PARD3B: variants seen among roughly 807,000 people sequenced by gnomAD.
PARD3B encodes the protein partitioning defective 3 homolog B.
A neutral mutation model predicts 130.2 loss-of-function variants in PARD3B; 103 were observed. The ratio of observed to expected loss-of-function variants is 0.79; its 90% confidence interval spans 0.67 to 0.93. The LOEUF is 0.93. Among genes scored for constraint, PARD3B ranks in the 40% least tolerant of loss-of-function variants. The probability of loss-of-function intolerance (pLI) is 0.00; values close to 1 mark genes in which losing one functional copy is unlikely to be tolerated. For synonymous variants in PARD3B, 583 were observed against 553.2 expected (o/e 1.05, Z -0.76); for missense variants, 1,609 against 1,499.2 (o/e 1.07, Z -1.21).
chr2:204,921,177 T>C (rs937164809), intron 2 of PARD3B, among the ~76,000 whole-genome samples: 6 of 152,220 alleles, frequency 3.9e-5, no homozygotes, highest in Admixed American at 1.3e-4. Flanking sequence ...TGCTGGTTCA[T>C]TAGACCTTCC....
At chr2:205,604,641 T>G (rs199760555) in intron 22 of PARD3B, among the ~76,000 whole-genome samples, 2 of 152,164 alleles carry the variant, frequency 1.3e-5, no homozygotes, top group South Asian at 4.1e-4. Flanking sequence ...TCTTAACATT[T>G]TTTCCTTCAT....
rs1395501559 is a variant in PARD3B at position 205,229,838 on chromosome 2, G to T, written c.2141-15940G>T. ...CAGAAACCTTAGATGTCTACCTGGT[G>T]CTCCATTTTCTTGAGTCTGAGCTGG... On this transcript the variant is annotated intron_variant, in intron 15 of 22. Transcript: ENST00000406610. The surrounding 1 kb of genome is among the most constrained non-coding windows in gnomAD (Gnocchi z 5.2). Among the ~76,000 whole-genome samples the T allele has an allele frequency of 6.6e-6, 1 of 151,928 alleles. No homozygotes were observed. The highest frequency in any genetic ancestry group is 1.5e-5 in the Non-Finnish European group (1 of 68,006).
chr2:204,665,574 C>A (rs544027819), intron 1 of PARD3B, among the ~76,000 whole-genome samples: 54 of 152,308 alleles, frequency 3.5e-4, no homozygotes, highest in East Asian at 7.7e-4. Flanking sequence ...TCAGGGAAAT[C>A]ATGCTATGAT....
At chr2:205,255,485 A>T (rs1574516766) in intron 16 of PARD3B, among the ~76,000 whole-genome samples, 1 of 151,984 alleles carries the variant, frequency 6.6e-6, no homozygotes, top group Admixed American at 6.6e-5. Context: ...GACACTATCT[A>T]CCTGGCGATA....
chr2:205,567,354 G>A (rs1270802957), intron 22 of PARD3B, among the ~76,000 whole-genome samples: 21 of 111,278 alleles, frequency 1.9e-4, no homozygotes, highest in Admixed American at 1.0e-3. Flanking sequence ...TTGCTCTGTC[G>A]CCCAGGATGG....
intron 18 of PARD3B, among the ~76,000 whole-genome samples, chr2:205,303,893 T>A (rs1332988498): frequency 6.6e-6 from 1 of 152,224 alleles, no homozygotes; most frequent in Admixed American, 6.5e-5. Flanking sequence ...TTTCTATTAC[T>A]GTCTTTACTC....
chr2:205,045,130 T>C (rs1346053122), intron 3 of PARD3B, among the ~76,000 whole-genome samples: 1 of 149,300 alleles, frequency 6.7e-6, no homozygotes, highest in Admixed American at 6.7e-5. Flanking sequence ...TTTTTTTTTA[T>C]GTTTCAAATA....
At chr2:205,316,576 T>C (rs777138591) in intron 18 of PARD3B, among the ~76,000 whole-genome samples, 5 of 152,202 alleles carry the variant, frequency 3.3e-5, no homozygotes, top group Non-Finnish European at 7.3e-5. Context: ...TTACTTAAAC[T>C]CCGTATCTAA....
chr2:205,054,012 G>T (rs1699418463), intron 4 of PARD3B, among the ~76,000 whole-genome samples: 1 of 152,038 alleles, frequency 6.6e-6, no homozygotes. Context: ...TTGCAACGAT[G>T]GCTTTCATAT....
In PARD3B at chr2:205,287,818, T is replaced by C. The variant is rs1574603432; in HGVS notation, c.2186-12712T>C. On this transcript the variant is annotated intron_variant, in intron 16 of 22. Coordinates refer to ENST00000406610, the MANE Select transcript of PARD3B (RefSeq NM_001302769.2). The surrounding 1 kb of genome is among the most constrained non-coding windows in gnomAD (Gnocchi z 4.8). Reference sequence around the variant, plus strand: ...GTAAAGCAAGTGTTTCCATGTACCCTGACATCTCAGTACAACCCAGCAAGA... The same window carrying C: ...GTAAAGCAAGTGTTTCCATGTACCCCGACATCTCAGTACAACCCAGCAAGA... Among the ~76,000 whole-genome samples the C allele has an allele frequency of 6.6e-6, 1 of 152,110 alleles. No individual in the cohort carries two copies. The highest frequency in any genetic ancestry group is 1.9e-4 in the East Asian group (1 of 5,174).
At chr2:205,227,290 G>A (rs529583164) in intron 15 of PARD3B, among the ~76,000 whole-genome samples, 1 of 152,090 alleles carries the variant, frequency 6.6e-6, no homozygotes, top group Admixed American at 6.5e-5. Flanking sequence ...GAAGTCTCCA[G>A]CCATTATTGT....
intron 10 of PARD3B, among the ~76,000 whole-genome samples, chr2:205,131,448 A>G (rs1575889864): frequency 6.6e-6 from 1 of 152,156 alleles, no homozygotes; most frequent in Non-Finnish European, 1.5e-5. Flanking sequence ...TTCAACCAGT[A>G]TGTACTGAAT....
In PARD3B at chr2:205,591,355, A is replaced by G. The variant is rs2054380097; in HGVS notation, c.3261-24101A>G. ...GAAATAAGCCTCTAAACATATTTGA[A>G]TATTTGAAAGACTGAGAAAAGCACA... On this transcript the variant is annotated intron_variant, in intron 22 of 22. Transcript: ENST00000406610. The surrounding 1 kb of genome is among the most constrained non-coding windows in gnomAD (Gnocchi z 4.2). 6.6e-6 allele frequency among the ~76,000 whole-genome samples: 1 copy of G among 152,234 alleles called. No individual in the cohort carries two copies. Among genetic ancestry groups the G allele is most frequent in the Non-Finnish European group, 1.5e-5 (1 of 68,040 alleles).
At chr2:205,149,618 A>G (rs569043817) in intron 10 of PARD3B, among the ~76,000 whole-genome samples, 3 of 152,286 alleles carry the variant, frequency 2.0e-5, no homozygotes, top group South Asian at 2.1e-4. Flanking sequence ...GTGCTGAAGT[A>G]TCTCCTATTT....
At chr2:204,733,081 C>T (rs1439274667) in intron 2 of PARD3B, among the ~76,000 whole-genome samples, 2 of 151,918 alleles carry the variant, frequency 1.3e-5, no homozygotes, top group African/African-American at 2.4e-5. Context: ...AGATGCTCAG[C>T]CTAATGAAAT....
At chr2:204,647,802 T>G (rs2035326038) in intron 1 of PARD3B, among the ~76,000 whole-genome samples, 1 of 151,706 alleles carries the variant, frequency 6.6e-6, no homozygotes, top group African/African-American at 2.4e-5. Flanking sequence ...ATTTAAAAGC[T>G]GCAAAACATT....
intron 2 of PARD3B, among the ~76,000 whole-genome samples, chr2:204,691,543 C>T (rs951092634): frequency 6.6e-6 from 1 of 152,048 alleles, no homozygotes; most frequent in African/African-American, 2.4e-5. Flanking sequence ...GCTTCTTCAT[C>T]TCTCTGGTCT....
Position 205,613,271 on chromosome 2 carries a change from C to T in PARD3B, c.3261-2185C>T, listed in dbSNP as rs141996479. Among the ~76,000 whole-genome samples, 93 of 152,252 alleles carry T rather than the reference C, an allele frequency of 6.1e-4. 1 individual carries two copies. The East Asian group carries it at 0.017, about 28-fold the overall frequency. ...TTATCCTAAGGGCTTAAAATGAGTGCAGAAAAACCACATGTTTCACTTCAT... is the reference window on the plus strand; with the variant it reads ...TTATCCTAAGGGCTTAAAATGAGTGTAGAAAAACCACATGTTTCACTTCAT... On this transcript the variant is annotated intron_variant, in intron 22 of 22. Transcript: ENST00000406610.
At chr2:204,719,073 A>C (rs2038874104) in intron 2 of PARD3B, among the ~76,000 whole-genome samples, 2 of 152,118 alleles carry the variant, frequency 1.3e-5, no homozygotes, top group Admixed American at 1.3e-4. Context: ...AAAACAGATA[A>C]TTTTCTAATA....
Sources: gnomAD v4.1 joint callset for allele counts (sites outside exome capture counted in the v4.1 genomes callset) on GRCh38, gnomAD v4.1.1 for gene constraint, Gnocchi (gnomAD v3.1) non-coding constraint, MANE v1.5 for transcripts, NCBI Gene and HGNC (gene_info 2026-07-23, HGNC 2026-07-21) for gene names.